TANC2: variants seen among roughly 807,000 people sequenced by gnomAD.
TANC2 encodes tetratricopeptide repeat, ankyrin repeat and coiled-coil containing 2.
In TANC2, 26 loss-of-function variants were observed where a neutral mutation model predicts 210.5. The ratio of observed to expected loss-of-function variants is 0.12; its 90% CI spans 0.09 to 0.17. The LOEUF is 0.17. TANC2 is among the 10% of genes least tolerant of loss of function. TANC2 has a pLI of 1.00. For synonymous variants in TANC2, 931 were observed against 967.1 expected, an observed-to-expected ratio of 0.96 and a Z score of 0.69; for missense variants, 2,129 against 2,608.9, an observed-to-expected ratio of 0.82 and a Z score of 4.01.
At chr17:63,041,850 A>T (rs2035200472) in intron 2 of TANC2, among the ~76,000 whole-genome samples, 1 of 152,156 alleles carries the variant, frequency 6.6e-6, no homozygotes, top group South Asian at 2.1e-4. Flanking sequence ...CTTTGGTCCC[A>T]CCCTTTCCCA....
intron 2 of TANC2, among the ~76,000 whole-genome samples, chr17:63,015,743 TA>T (rs11313179): frequency 0.95 from 143,523 of 151,684 alleles, 67,984 homozygotes; most frequent in South Asian, 0.98. Flanking sequence ...GAAATTTTCT[TA>T]AAAAAAAACC....
At chr17:63,018,494 A>T (rs987967906) in intron 2 of TANC2, among the ~76,000 whole-genome samples, 1 of 141,720 alleles carries the variant, frequency 7.1e-6, no homozygotes, top group Non-Finnish European at 1.6e-5. Context: ...AAAAAAAAAT[A>T]AATAAATAAA....
At chr17:63,088,345 C>T (rs2037053381) in intron 3 of TANC2, 1 of 152,180 alleles carries the variant, frequency 6.6e-6, no homozygotes, top group Non-Finnish European at 1.5e-5. Context: ...TATATGTCCT[C>T]ACCTTTTTCC....
chr17:63,170,387 A>ACTC, intron 5 of TANC2, among the ~76,000 whole-genome samples: 1 of 151,474 alleles, frequency 6.6e-6, no homozygotes, highest in South Asian at 2.1e-4. Context: ...GTAAGCCGAG[A>ACTC]TCGTGCCACT....
At chr17:63,254,366 G>GT (rs1013691326) in intron 8 of TANC2, among the ~76,000 whole-genome samples, 7 of 151,720 alleles carry the variant, frequency 4.6e-5, no homozygotes, top group Admixed American at 2.6e-4. Context: ...TATTAGTTCT[G>GT]TTTTTTTGTA....
chr17:63,085,257 T>C (rs182615552), intron 3 of TANC2, among the ~76,000 whole-genome samples: 62 of 152,318 alleles, frequency 4.1e-4, no homozygotes, highest in Non-Finnish European at 7.5e-4. Context: ...TCTGTTTTTT[T>C]GACCCATTGT....
At chr17:63,077,357 G>T (rs1015567654) in intron 3 of TANC2, among the ~76,000 whole-genome samples, 1 of 152,104 alleles carries the variant, frequency 6.6e-6, no homozygotes, top group East Asian at 1.9e-4. Context: ...GGAATCTGTT[G>T]GAGGATGTGA....
chr17:62,977,169 A>G (rs73339652), intron 1 of TANC2, among the ~76,000 whole-genome samples: 3,222 of 152,328 alleles, frequency 0.021, 106 homozygotes, highest in African/African-American at 0.072. Context: ...TTCTGTTTCT[A>G]CATAAACATT....
intron 7 of TANC2, among the ~76,000 whole-genome samples, chr17:63,230,367 G>A (rs1220796963): frequency 2.0e-5 from 3 of 152,002 alleles, no homozygotes; most frequent in Non-Finnish European, 4.4e-5. Context: ...TCTTTTAGTT[G>A]TGATGTTAGG....
At chr17:63,178,712 A>G (rs746115982) in intron 5 of TANC2, among the ~76,000 whole-genome samples, 1 of 152,256 alleles carries the variant, frequency 6.6e-6, no homozygotes, top group Non-Finnish European at 1.5e-5. Context: ...AGATGAGAAT[A>G]AGCAGTTTAT....
rs150851260 is a variant in TANC2, at chr17:63,327,295, A to G, written c.1575+8205A>G. 8.4e-3 allele frequency among the ~76,000 whole-genome samples: 1,282 copies of G among 152,356 alleles called. 15 individuals carry two copies. The highest frequency in any genetic ancestry group is 0.028 in the African/African-American group (1,173 of 41,576). ...GGTGGGAATGTAAATTAGTACAGCC[A>G]TTATGGAAAACAGCATGGAGGTTCC... On this transcript the variant is annotated intron_variant, in intron 11 of 27. Transcript: ENST00000689528.
At chr17:63,191,540 GC>G (rs1464199952) in intron 5 of TANC2, among the ~76,000 whole-genome samples, 2 of 151,818 alleles carry the variant, frequency 1.3e-5, no homozygotes, top group Non-Finnish European at 2.9e-5. Flanking sequence ...ATGGCTAACT[GC>G]TACCTCGGCC....
chr17:63,380,267 G>A (rs1016433357), intron 15 of TANC2, among the ~76,000 whole-genome samples: 1 of 152,092 alleles, frequency 6.6e-6, no homozygotes, highest in Non-Finnish European at 1.5e-5. Context: ...ACCTTCCTTG[G>A]AGCTACTTCC....
At chr17:63,360,952 A>G (rs1407421461) in intron 14 of TANC2, among the ~76,000 whole-genome samples, 2 of 152,136 alleles carry the variant, frequency 1.3e-5, no homozygotes, top group African/African-American at 2.4e-5. Flanking sequence ...AGTTCCATCC[A>G]TGTTGTTGTA....
intron 1 of TANC2, among the ~76,000 whole-genome samples, chr17:62,974,761 C>T (rs2031904955): frequency 1.3e-5 from 2 of 152,228 alleles, no homozygotes; most frequent in East Asian, 1.9e-4. Flanking sequence ...TTCAGTAAGC[C>T]AATGATGATA....
intron 7 of TANC2, among the ~76,000 whole-genome samples, chr17:63,213,581 C>T (rs948944771): frequency 3.9e-5 from 6 of 152,106 alleles, no homozygotes; most frequent in Admixed American, 1.3e-4. Context: ...AATACAGACA[C>T]ATAATATAAA....
At chr17:63,406,272 C>T (rs1286771997) in exon 21 of TANC2, 2 of 1,613,614 alleles carry the variant, frequency 1.2e-6, no homozygotes, top group Non-Finnish European at 1.7e-6. Context: ...TTTCTGCTTG[C>T]ACAAGGTTAG....
chr17:63,314,140 C>A (rs1191847085), intron 9 of TANC2, among the ~76,000 whole-genome samples: 2 of 152,228 alleles, frequency 1.3e-5, no homozygotes, highest in Non-Finnish European at 2.9e-5. Flanking sequence ...GACTTTCGGA[C>A]TGATCAAGTA....
At chr17:63,260,203 G>C (rs2043315996) in intron 8 of TANC2, among the ~76,000 whole-genome samples, 1 of 152,234 alleles carries the variant, frequency 6.6e-6, no homozygotes, top group African/African-American at 2.4e-5. Flanking sequence ...TGTACTGCCA[G>C]TGACTGAATC....
Sources: gnomAD v4.1 joint callset for allele counts (sites outside exome capture counted in the v4.1 genomes callset) on GRCh38, gnomAD v4.1.1 for gene constraint, MANE v1.5 for transcripts, NCBI Gene and HGNC (gene_info 2026-07-23, HGNC 2026-07-21) for gene names.